KEAP1: variants seen among roughly 807,000 people sequenced by gnomAD.
KEAP1 encodes the protein kelch-like ECH-associated protein 1.
In KEAP1, 26 loss-of-function variants were observed where a neutral mutation model predicts 59.7. That is an observed-to-expected ratio of 0.44 (90% CI 0.32 to 0.60). The LOEUF (loss-of-function observed/expected upper bound fraction) is 0.60. Ranked by LOEUF, KEAP1 falls within the 20% of genes least tolerant of loss-of-function variation. The probability of loss-of-function intolerance (pLI) is 0.06; values close to 1 mark genes in which losing one functional copy is unlikely to be tolerated. For missense variants in KEAP1, 539 were observed against 871.4 expected, an observed-to-expected ratio of 0.62 and a Z score of 4.80; for synonymous variants, 350 against 358.3, an observed-to-expected ratio of 0.98 and a Z score of 0.26.
intron 2 of KEAP1, among the ~76,000 whole-genome samples, chr19:10,498,782 G>A (rs184654074): frequency 1.0e-3 from 158 of 151,938 alleles, no homozygotes; most frequent in Non-Finnish European, 2.0e-3. Context: ...TTCCCCAGCT[G>A]TTCACCAGTC....
At chr19:10,500,108 G>T in intron 1 of KEAP1, 28 bp from the exon 2 acceptor site, 2 of 1,456,708 alleles carry the variant, frequency 1.4e-6, no homozygotes, top group South Asian at 1.4e-5. Flanking sequence ...CAGGGCAGAG[G>T]GCAGGGGTTG....
In KEAP1 at chr19:10,491,395, C is replaced by T. The variant is rs1486446770; in HGVS notation, c.1325+182G>A. Among the ~76,000 whole-genome samples, 1 of 152,144 alleles carries T rather than the reference C, an allele frequency of 6.6e-6. No homozygotes were observed. Among genetic ancestry groups the T allele is most frequent in the Non-Finnish European group, 1.5e-5 (1 of 68,036 alleles). ...GACAGTCCCCTAAGCATTTCCCAGC[C>T]CCAGGCACAGAATCAAAGGTCACTG... On this transcript the variant is annotated intron_variant, in intron 3 of 5. Transcript: ENST00000171111. This position sits in a 1 kb window ranked among gnomAD's most constrained non-coding sequence, Gnocchi z 5.2.
intron 2 of KEAP1, chr19:10,492,531 A>G: frequency 2.3e-6 from 1 of 436,480 alleles, no homozygotes; most frequent in Non-Finnish European, 4.2e-6. Flanking sequence ...AAGCCTGGCC[A>G]ATATGGTGAA....
intron 2 of KEAP1, among the ~76,000 whole-genome samples, chr19:10,495,112 C>G (rs1235060100): frequency 6.6e-6 from 1 of 152,042 alleles, no homozygotes; most frequent in African/African-American, 2.4e-5. Flanking sequence ...CAGGCACGCA[C>G]AACCACACCC....
intron 2 of KEAP1, chr19:10,492,584 G>T: frequency 3.4e-6 from 1 of 296,042 alleles, no homozygotes. Flanking sequence ...CGGGTGTGGT[G>T]GCACACGCCT....
At chr19:10,488,871 C>T (rs949770068) in intron 5 of KEAP1, among the ~76,000 whole-genome samples, 5 of 151,710 alleles carry the variant, frequency 3.3e-5, no homozygotes, top group African/African-American at 1.2e-4. Flanking sequence ...GTGGAGGTTG[C>T]AGTGAGCTGA....
At chr19:10,489,151 G>T in intron 5 of KEAP1, 41 bp downstream of exon 5, 96 of 872,324 alleles carry the variant, frequency 1.1e-4, no homozygotes, top group Middle Eastern at 4.0e-4. Flanking sequence ...GTCCACAAAA[G>T]ATGGGCTAGT....
At chr19:10,486,870 G>C in intron 5 of KEAP1, 52 bp from the exon 6 acceptor site, 1 of 1,564,942 alleles carries the variant, frequency 6.4e-7, no homozygotes, top group Non-Finnish European at 8.7e-7. Flanking sequence ...ACATCCAAGA[G>C]CAGGGGACAG....
chr19:10,496,238 G>A (rs898491726), intron 2 of KEAP1, among the ~76,000 whole-genome samples: 28 of 150,356 alleles, frequency 1.9e-4, no homozygotes, highest in Non-Finnish European at 3.1e-4. Context: ...GCTCACACAC[G>A]TAATCCCAGC....
rs1237019511 is a variant in KEAP1, at chr19:10,491,710, G to C, written c.1192C>G (p.Pro398Ala). Residue 398 changes from proline to alanine, a missense_variant, in exon 3 of 6, where the codon CCC becomes GCC. By Grantham distance (27) the Pro-to-Ala change is conservative. Around this residue, in one of 4 missense-constraint regions of KEAP1, gnomAD observed 311 missense variants for 425.2 expected, o/e 0.73. Transcript: ENST00000171111. This position sits in a 1 kb window ranked among gnomAD's most constrained non-coding sequence, Gnocchi z 5.2. The stretch of plus-strand genomic sequence containing the variant: ...CAGGGCGACCACTGATTGGTCATGG[G>C]GTTGTAACAGTCCAGGGCGCTGGAG... ...TDSSALDCYN[P>A]MTNQWSPCAP... The C allele has an allele frequency of 6.4e-7, 1 of 1,572,360 alleles. No homozygotes were observed. Among genetic ancestry groups the C allele is most frequent in the East Asian group, 2.3e-5 (1 of 43,354 alleles).
rs1914462130 is a variant in KEAP1 at position 10,486,374 on chromosome 19, G to A, written c.*278C>T. ...TGAGTGGGACCCAGGCCTATTACCC[G>A]GCCAGAGGGTTTGGGGGCCTCTCTC... On this transcript the variant is annotated 3_prime_UTR_variant, in exon 6 of 6. Transcript: ENST00000171111. 2 of 376,570 alleles carry A rather than the reference G, an allele frequency of 5.3e-6. No homozygotes were observed. The highest frequency in any genetic ancestry group is 8.1e-5 in the South Asian group (2 of 24,712). The allele number at this position is 376,570 out of a possible 1,614,324, so 23.3% of individuals were successfully genotyped here.
Position 10,496,197 on chromosome 19 carries a change from GAAAA to G in KEAP1, c.639+3194_639+3197del, listed in dbSNP as rs67843150. 7.7e-5 allele frequency among the ~76,000 whole-genome samples: 9 copies of G among 117,558 alleles called. No individual in the cohort carries two copies. In the East Asian group the frequency reaches 1.9e-3, roughly 25 times the overall value. 77.1% of individuals were successfully genotyped at this position (117,558 alleles called of 152,430 possible). On this transcript the variant is annotated intron_variant, in intron 2 of 5. Transcript: ENST00000171111. ...GAGTGAGACCCTGTCTCTAAAAAAA[GAAAA>G]AAAAAAAAAAAAGGCCAGGTGCGGT...
chr19:10,487,589 G>A (rs1161977666), intron 5 of KEAP1, among the ~76,000 whole-genome samples: 1 of 152,104 alleles, frequency 6.6e-6, no homozygotes, highest in African/African-American at 2.4e-5. Context: ...CCGGGAGGCG[G>A]AGGTTGCAGT....
intron 5 of KEAP1, among the ~76,000 whole-genome samples, chr19:10,487,605 G>A (rs534420578): frequency 3.3e-5 from 5 of 152,004 alleles, no homozygotes; most frequent in Non-Finnish European, 5.9e-5. Context: ...GCAGTGAGCT[G>A]AGATTGTGCC....
chr19:10,501,017 C>T (rs1915026901), intron 1 of KEAP1, among the ~76,000 whole-genome samples: 1 of 152,044 alleles, frequency 6.6e-6, no homozygotes, highest in Admixed American at 6.6e-5. Context: ...GACCAAGCCT[C>T]TTTGAGAAGG....
At chr19:10,496,981 G>A (rs1914873168) in intron 2 of KEAP1, among the ~76,000 whole-genome samples, 2 of 151,430 alleles carry the variant, frequency 1.3e-5, no homozygotes, top group Admixed American at 6.6e-5. Flanking sequence ...AAAATTAGCT[G>A]GGCATAGTGG....
chr19:10,493,716 C>G (rs549067588), intron 2 of KEAP1, among the ~76,000 whole-genome samples: 1 of 151,734 alleles, frequency 6.6e-6, no homozygotes, highest in Non-Finnish European at 1.5e-5. Context: ...GGCCCACCAC[C>G]GTGCCTGGCT....
chr19:10,489,155 G>C (rs2144585562), intron 5 of KEAP1, 37 bp downstream of exon 5: 1 of 1,514,392 alleles, frequency 6.6e-7, no homozygotes, highest in South Asian at 1.2e-5. Context: ...ACAAAAGATG[G>C]GCTAGTCAGG....
At chr19:10,497,521 C>A (rs1448812673) in intron 2 of KEAP1, among the ~76,000 whole-genome samples, 1 of 152,160 alleles carries the variant, frequency 6.6e-6, no homozygotes. Flanking sequence ...CAGTTGGGAA[C>A]AGTCAATGAT....
Sources: allele counts gnomAD v4.1 joint callset (sites outside exome capture counted in the v4.1 genomes callset), GRCh38; gene constraint gnomAD v4.1.1; regional missense constraint gnomAD v4.1.1; non-coding constraint Gnocchi (gnomAD v3.1); transcripts MANE v1.5; gene names NCBI Gene and HGNC (gene_info 2026-07-23, HGNC 2026-07-21).